Variants in ZFAT observed in about 807,000 individuals in gnomAD.
ZFAT encodes zinc finger and AT-hook domain containing.
A neutral mutation model predicts 117.7 loss-of-function variants in ZFAT; 64 were observed. The ratio of observed to expected loss-of-function variants is 0.54; its 90% confidence interval spans 0.44 to 0.67. The LOEUF is 0.67. Among genes scored for constraint, ZFAT ranks in the 30% least tolerant of loss-of-function variants. The probability of loss-of-function intolerance (pLI) is 0.00; values close to 1 mark genes in which losing one functional copy is unlikely to be tolerated. For missense variants in ZFAT, 1,433 were observed against 1,584.5 expected, an observed-to-expected ratio of 0.90 and a Z score of 1.62; for synonymous variants, 679 against 615.0, an observed-to-expected ratio of 1.10 and a Z score of -1.54.
intron 11 of ZFAT, among the ~76,000 whole-genome samples, chr8:134,533,185 G>A (rs770512779): frequency 9.2e-5 from 14 of 152,218 alleles, no homozygotes; most frequent in Non-Finnish European, 1.9e-4. Context: ...TGCCCCAGAG[G>A]AGGAGCTGTC....
chr8:134,705,367 G>GTTTT (rs34419061), intron 1 of ZFAT, among the ~76,000 whole-genome samples: 4 of 117,406 alleles, frequency 3.4e-5, no homozygotes, highest in South Asian at 2.8e-4. Flanking sequence ...TGCCCAGCTG[G>GTTTT]TTTTTTTTTG....
At chr8:134,700,648 C>CCG (rs1563774305) in intron 1 of ZFAT, among the ~76,000 whole-genome samples, 1 of 152,194 alleles carries the variant, frequency 6.6e-6, no homozygotes, top group Non-Finnish European at 1.5e-5. Context: ...CTGGCCAGTC[C>CCG]GGGGGGAGGC....
At chr8:134,757,698 A>G in the ZFAT span, among the ~76,000 whole-genome samples, 1 of 152,192 alleles carries the variant, frequency 6.6e-6, no homozygotes, top group Admixed American at 6.5e-5. Flanking sequence ...GGAAAGAGAT[A>G]AAAACAGACT....
At chr8:134,495,620 A>G (rs1383888410) in intron 15 of ZFAT, among the ~76,000 whole-genome samples, 1 of 152,188 alleles carries the variant, frequency 6.6e-6, no homozygotes, top group African/African-American at 2.4e-5. Context: ...GGACCAAGCA[A>G]TAAGCTCTGC....
intron 15 of ZFAT, among the ~76,000 whole-genome samples, chr8:134,482,469 A>C (rs117604657): frequency 0.01 from 1,538 of 152,338 alleles, 20 homozygotes; most frequent in Non-Finnish European, 0.015. Context: ...GCGTCATCCA[A>C]TCTGTGACAT....
chr8:134,792,972 T>C, the ZFAT span: 1 of 152,194 alleles, frequency 6.6e-6, no homozygotes, highest in Non-Finnish European at 1.5e-5. Context: ...GAAAAATTGA[T>C]CCAATCCTTA....
chr8:134,608,710 A>G lies in ZFAT; in HGVS notation c.785+19T>C, dbSNP rs200577738. 1 of 1,604,364 alleles carries G rather than the reference A, an allele frequency of 6.2e-7. No individual in the cohort carries two copies. Among genetic ancestry groups the G allele is most frequent in the Non-Finnish European group, 8.5e-7 (1 of 1,176,442 alleles). ...ACATGCAACCTCTGGCTGAAGTTAC[A>G]CAGAACAAAACACTTTACCTGCTTG... On this transcript the variant is annotated intron_variant, in intron 5 of 15. Coordinates refer to ENST00000377838, the MANE Select transcript of ZFAT (RefSeq NM_020863.4).
rs766542219 is a variant in ZFAT, at chr8:134,657,607, C to T, written c.150G>A (p.Arg50=). The change falls in exon 2 of 16, where the codon AGG becomes AGA. Residue 50 remains arginine (R), a synonymous_variant. Coordinates refer to ENST00000377838, the MANE Select transcript of ZFAT (RefSeq NM_020863.4). ...TGGGGGGTTCAGGTGTACTCAGAGG[C>T]CTAAGGGGAATAATAATCTCATCAA... The part of the protein sequence containing the change: ...VNVDEIIIPL[R]PLSTPEPPNS... 23 of 1,613,822 alleles carry T rather than the reference C, an allele frequency of 1.4e-5. No homozygotes were observed. In the South Asian group the frequency reaches 2.3e-4, roughly 16 times the overall value.
At chr8:134,505,089 A>G (rs1819290471) in intron 15 of ZFAT, among the ~76,000 whole-genome samples, 1 of 152,108 alleles carries the variant, frequency 6.6e-6, no homozygotes. Context: ...CCTCTTGACC[A>G]GTTCTGATTG....
At chr8:134,813,312 C>A in the ZFAT span, among the ~76,000 whole-genome samples, 1 of 152,194 alleles carries the variant, frequency 6.6e-6, no homozygotes, top group Non-Finnish European at 1.5e-5. Flanking sequence ...CTTCCTAAGG[C>A]CCAGGACATG....
chr8:134,819,068 T>A, the ZFAT span, among the ~76,000 whole-genome samples: 1 of 152,140 alleles, frequency 6.6e-6, no homozygotes. Flanking sequence ...CAACTATATG[T>A]CAATAAAATT....
intron 3 of ZFAT, 29 bp from the exon 4 acceptor site, chr8:134,610,684 G>A (rs575586487): frequency 1.2e-6 from 2 of 1,610,612 alleles, no homozygotes; most frequent in South Asian, 1.1e-5. Flanking sequence ...GATGCATAAG[G>A]TATCCTTTTA....
At chr8:134,832,022 C>G in the ZFAT span, among the ~76,000 whole-genome samples, 1 of 148,560 alleles carries the variant, frequency 6.7e-6, no homozygotes, top group South Asian at 2.1e-4. Flanking sequence ...GCCGCCGGCC[C>G]GCCGCGGCCC....
intron 1 of ZFAT, among the ~76,000 whole-genome samples, chr8:134,662,326 T>A (rs1257275393): frequency 6.6e-6 from 1 of 152,140 alleles, no homozygotes; most frequent in Non-Finnish European, 1.5e-5. Flanking sequence ...GAAACAAACA[T>A]TCAGCTCATA....
intron 10 of ZFAT, among the ~76,000 whole-genome samples, chr8:134,566,121 G>A (rs530462643): frequency 5.3e-5 from 8 of 152,260 alleles, no homozygotes; most frequent in East Asian, 1.9e-4. Flanking sequence ...TAGGCCGGGC[G>A]CGGTGGCTCA....
chr8:134,665,145 A>G (rs1030387000), intron 1 of ZFAT, among the ~76,000 whole-genome samples: 2 of 152,228 alleles, frequency 1.3e-5, no homozygotes, highest in Admixed American at 6.5e-5. Flanking sequence ...AACTCCTTCC[A>G]GAAGGCAGCT....
At chr8:134,822,194 C>T in the ZFAT span, among the ~76,000 whole-genome samples, 3 of 152,108 alleles carry the variant, frequency 2.0e-5, no homozygotes, top group African/African-American at 7.2e-5. Context: ...AGTTAGTGTT[C>T]AAATTACAAG....
At chr8:134,482,505 G>A in intron 15 of ZFAT, among the ~76,000 whole-genome samples, 1 of 152,220 alleles carries the variant, frequency 6.6e-6, no homozygotes, top group East Asian at 1.9e-4. Flanking sequence ...TGCCCAACAT[G>A]AGAAGCCCTC....
chr8:134,673,384 A>G (rs182974791), intron 1 of ZFAT: 1 of 162,046 alleles, frequency 6.2e-6, no homozygotes, highest in Non-Finnish European at 1.4e-5. Context: ...CAAACACTCA[A>G]CTTAAAGGAC....
Sources: allele counts gnomAD v4.1 joint callset (sites outside exome capture counted in the v4.1 genomes callset), GRCh38; gene constraint gnomAD v4.1.1; transcripts MANE v1.5; gene names NCBI Gene and HGNC (gene_info 2026-07-23, HGNC 2026-07-21).